TFEC: variants seen among roughly 807,000 people sequenced by gnomAD.
TFEC encodes class E basic helix-loop-helix protein 34.
In TFEC, 31 loss-of-function variants were observed where a neutral mutation model predicts 41.6. The ratio of observed to expected loss-of-function variants is 0.74; its 90% CI spans 0.56 to 1.01. The LOEUF (loss-of-function observed/expected upper bound fraction) is 1.01. Ranked by LOEUF, TFEC falls within the 50% of genes least tolerant of loss-of-function variation. The probability of loss-of-function intolerance (pLI) is 0.00; values close to 1 mark genes in which losing one functional copy is unlikely to be tolerated. For missense variants in TFEC, 402 were observed against 404.1 expected, an observed-to-expected ratio of 0.99 and a Z score of 0.04; for synonymous variants, 143 against 140.6, an observed-to-expected ratio of 1.02 and a Z score of -0.12.
intron 2 of TFEC, among the ~76,000 whole-genome samples, chr7:115,977,268 A>T (rs1793425247): frequency 1.3e-5 from 2 of 152,132 alleles, no homozygotes; most frequent in African/African-American, 4.8e-5. Flanking sequence ...ATAAATTAAG[A>T]TCATAAGAAT....
intron 3 of TFEC, chr7:115,968,286 G>A: frequency 1.3e-6 from 2 of 1,519,854 alleles, no homozygotes; most frequent in Non-Finnish European, 1.8e-6. Context: ...ATAACCAAGA[G>A]AACTGTGTGG....
chr7:116,115,059 A>C (rs1449743155), intron 1 of TFEC, among the ~76,000 whole-genome samples: 1 of 151,968 alleles, frequency 6.6e-6, no homozygotes, highest in Admixed American at 6.6e-5. Context: ...TTGTTAATTA[A>C]CCTTCCCTTT....
intron 3 of TFEC, among the ~76,000 whole-genome samples, chr7:116,080,706 G>A (rs1371150268): frequency 6.6e-6 from 1 of 152,088 alleles, no homozygotes; most frequent in Non-Finnish European, 1.5e-5. Context: ...TGTTGGCATG[G>A]ATGTGGTGAA....
chr7:115,959,107 T>C (rs560810156), intron 3 of TFEC, among the ~76,000 whole-genome samples: 1 of 151,972 alleles, frequency 6.6e-6, no homozygotes, highest in Non-Finnish European at 1.5e-5. Context: ...TATGAAGAAA[T>C]ATTTATTATG....
chr7:116,073,647 T>C (rs951743146), intron 3 of TFEC, among the ~76,000 whole-genome samples: 19 of 151,952 alleles, frequency 1.3e-4, no homozygotes, highest in Admixed American at 1.2e-3. Flanking sequence ...AAAATTCATA[T>C]GGAAAGTCAA....
At chr7:116,032,521 G>A (rs1795810435), upstream of TFEC, among the ~76,000 whole-genome samples, 2 of 152,148 alleles carry the variant, frequency 1.3e-5, no homozygotes, top group South Asian at 4.1e-4. Context: ...ATGAGATCAT[G>A]TCCTTTGCAG....
In TFEC at chr7:115,984,516, A is replaced by G. The variant is rs1341274338; in HGVS notation, c.-72-3T>C. 1 of 1,613,266 alleles carries G rather than the reference A, an allele frequency of 6.2e-7. No homozygotes were observed. The highest frequency in any genetic ancestry group is 2.2e-5 in the East Asian group (1 of 44,810). Reference sequence around the variant, plus strand: ...GAACTTTCCAGGTGTGCTGGGACCTACAAGATCAAAATTAAACAAATACAA... The same window carrying G: ...GAACTTTCCAGGTGTGCTGGGACCTGCAAGATCAAAATTAAACAAATACAA... On this transcript the variant is annotated splice_region_variant and splice_polypyrimidine_tract_variant and intron_variant, in intron 1 of 7. Coordinates refer to ENST00000265440, the MANE Select transcript of TFEC (RefSeq NM_012252.4).
chr7:116,157,001 T>A (rs1429861535), intron 1 of TFEC, among the ~76,000 whole-genome samples: 5 of 152,200 alleles, frequency 3.3e-5, no homozygotes. Context: ...TAACTACAAC[T>A]AAAATGGAGC....
chr7:116,094,239 G>A (rs1187082287), intron 3 of TFEC, among the ~76,000 whole-genome samples: 4 of 152,176 alleles, frequency 2.6e-5, no homozygotes, highest in African/African-American at 4.8e-5. Context: ...ATAAAAGTCA[G>A]AATTGGTTTG....
At chr7:116,087,564 C>T (rs954433282) in intron 3 of TFEC, among the ~76,000 whole-genome samples, 5 of 152,026 alleles carry the variant, frequency 3.3e-5, no homozygotes, top group African/African-American at 9.7e-5. Context: ...AACTGAACTT[C>T]AAATATTATA....
At chr7:116,085,237 G>C (rs907967339) in intron 3 of TFEC, among the ~76,000 whole-genome samples, 1 of 151,824 alleles carries the variant, frequency 6.6e-6, no homozygotes, top group Non-Finnish European at 1.5e-5. Flanking sequence ...ATAGAAACCA[G>C]ATCATGCAGA....
At chr7:116,062,343 T>A (rs993900600) in intron 3 of TFEC, among the ~76,000 whole-genome samples, 2 of 143,856 alleles carry the variant, frequency 1.4e-5, no homozygotes, top group Admixed American at 7.2e-5. Flanking sequence ...TTGGCCTCCC[T>A]AAGTGCTGGG....
At position 115,940,933 on chromosome 7, in the gene TFEC, T is replaced by C; in HGVS notation, c.664-2A>G. 2.6e-6 allele frequency: 4 copies of C among 1,556,590 alleles called. No homozygotes were observed. The highest frequency in any genetic ancestry group is 3.5e-6 in the Non-Finnish European group (4 of 1,148,784). On this transcript the variant is annotated splice_acceptor_variant, in intron 7 of 7. Transcript: ENST00000265440. LOFTEE classifies it high-confidence loss of function. Reference sequence around the variant, plus strand: ...AGTACGAGCCTGAATTTCTAGTTCCTGTAATTTCAAACGAAAATCATTAAA... The same window carrying C: ...AGTACGAGCCTGAATTTCTAGTTCCCGTAATTTCAAACGAAAATCATTAAA...
At chr7:116,103,405 G>A (rs1315901193) in intron 3 of TFEC, among the ~76,000 whole-genome samples, 1 of 152,152 alleles carries the variant, frequency 6.6e-6, no homozygotes, top group African/African-American at 2.4e-5. Flanking sequence ...AAAAAGTTGT[G>A]AAAGACAATG....
At chr7:115,973,588 G>A (rs947114852) in intron 3 of TFEC, among the ~76,000 whole-genome samples, 3 of 151,906 alleles carry the variant, frequency 2.0e-5, no homozygotes, top group Non-Finnish European at 2.9e-5. Flanking sequence ...GCAAATAGGA[G>A]ATAATACACT....
intron 3 of TFEC, among the ~76,000 whole-genome samples, chr7:116,072,029 G>C (rs907572040): frequency 6.6e-6 from 1 of 151,316 alleles, no homozygotes; most frequent in East Asian, 1.9e-4. Flanking sequence ...CCCCATTCTG[G>C]CTTCATTGAA....
At chr7:115,960,291 G>T (rs572386608) in intron 3 of TFEC, among the ~76,000 whole-genome samples, 1 of 151,556 alleles carries the variant, frequency 6.6e-6, no homozygotes, top group Admixed American at 6.6e-5. Flanking sequence ...TTTATATCCA[G>T]CTCAAATGTC....
At chr7:116,118,786 G>A (rs1362710140) in intron 1 of TFEC, among the ~76,000 whole-genome samples, 2 of 151,788 alleles carry the variant, frequency 1.3e-5, no homozygotes, top group African/African-American at 2.4e-5. Context: ...GGCTATAAGC[G>A]CTGGGAGGCA....
intron 1 of TFEC, among the ~76,000 whole-genome samples, chr7:116,019,730 A>G (rs1324213429): frequency 2.0e-5 from 3 of 152,196 alleles, no homozygotes; most frequent in Admixed American, 6.5e-5. Flanking sequence ...ACACCCATAC[A>G]GTATTTTGCT....
Sources: allele counts gnomAD v4.1 joint callset (sites outside exome capture counted in the v4.1 genomes callset), GRCh38; gene constraint gnomAD v4.1.1; transcripts MANE v1.5; gene names NCBI Gene and HGNC (gene_info 2026-07-23, HGNC 2026-07-21).